The following WDPCP variants were observed in gnomAD, a reference collection of about 807,000 sequenced individuals.
The protein encoded by WDPCP is WD repeat containing planar cell polarity effector, also known as WD repeat-containing and planar cell polarity effector protein fritz homolog.
Under a neutral mutation model 93.1 loss-of-function variants are expected in WDPCP, and 71 were observed. The ratio of observed to expected loss-of-function variants is 0.76; its 90% confidence interval spans 0.63 to 0.93. The LOEUF is 0.93. Ranked by LOEUF, WDPCP falls within the 40% of genes least tolerant of loss-of-function variation. The probability of loss-of-function intolerance (pLI) is 0.00; values close to 1 mark genes in which losing one functional copy is unlikely to be tolerated. For missense variants in WDPCP, 844 were observed against 887.4 expected (o/e 0.95, Z 0.62); for synonymous variants, 315 against 315.0 (o/e 1.00, Z 0.00).
chr2:63,571,248 T>C, intron 1 of WDPCP: 1 of 388,322 alleles, frequency 2.6e-6, no homozygotes, highest in Non-Finnish European at 5.0e-6. Context: ...GTCACTTTCC[T>C]CATGTGTAAA....
At chr2:63,834,731 G>A in the WDPCP span, among the ~76,000 whole-genome samples, 1 of 152,166 alleles carries the variant, frequency 6.6e-6, no homozygotes, top group South Asian at 2.1e-4. Flanking sequence ...TCAGTAGCTG[G>A]TTCCTGAAGT....
intron 1 of WDPCP, among the ~76,000 whole-genome samples, chr2:63,526,006 GC>G (rs1200290462): frequency 1.3e-5 from 2 of 152,044 alleles, no homozygotes; most frequent in Admixed American, 1.3e-4. Context: ...TGTATGTACG[GC>G]TTTTGAATTT....
At chr2:63,754,952 G>T (rs1196841557) in intron 2 of WDPCP, among the ~76,000 whole-genome samples, 1 of 152,170 alleles carries the variant, frequency 6.6e-6, no homozygotes, top group Non-Finnish European at 1.5e-5. Context: ...TGTGGGTACA[G>T]TCATAAGAAG....
At chr2:63,599,377 G>T in intron 3 of WDPCP, 2 of 1,423,046 alleles carry the variant, frequency 1.4e-6, no homozygotes, top group Non-Finnish European at 9.4e-7. Flanking sequence ...ATCTGAGTTT[G>T]TGCTTTTTTC....
At chr2:63,460,446 G>A (rs958974247) in intron 6 of WDPCP, among the ~76,000 whole-genome samples, 2 of 152,090 alleles carry the variant, frequency 1.3e-5, no homozygotes, top group African/African-American at 4.8e-5. Context: ...ACAATATTAT[G>A]TATATTTCAA....
At chr2:63,392,455 C>G (rs1262671635) in intron 10 of WDPCP, among the ~76,000 whole-genome samples, 2 of 152,152 alleles carry the variant, frequency 1.3e-5, no homozygotes, top group Admixed American at 1.3e-4. Context: ...CTAGGCAATA[C>G]CATTCAGGAC....
intron 2 of WDPCP, among the ~76,000 whole-genome samples, chr2:63,786,379 T>C (rs1350048285): frequency 6.6e-6 from 1 of 152,134 alleles, no homozygotes; most frequent in Non-Finnish European, 1.5e-5. Context: ...TTTTAAAAAG[T>C]CCCATTATGG....
Position 63,437,541 on chromosome 2 carries a change from G to C in WDPCP, c.513C>G (p.Asp171Glu), listed in dbSNP as rs778635559. 1.3e-6 allele frequency: 2 copies of C among 1,589,402 alleles called. No homozygotes were observed. The highest frequency in any genetic ancestry group is 1.7e-6 in the Non-Finnish European group (2 of 1,168,216). Reference sequence around the variant, plus strand: ...CCAAAAATGATAAGATGATAAAACTGTCTGTGAGAAGAGCTAAAAAACATA... The same window carrying C: ...CCAAAAATGATAAGATGATAAAACTCTCTGTGAGAAGAGCTAAAAAACATA... ...SDTISDALLT[D>E]SFIILSFLAQ... The change falls in exon 8 of 18, where the codon GAC becomes GAG. Residue 171 changes from aspartate to glutamate, a missense_variant. By Grantham distance (45) the Asp-to-Glu change is conservative. Transcript: ENST00000272321.
chr2:63,140,928 A>G (rs1223511376), intron 17 of WDPCP, among the ~76,000 whole-genome samples: 1 of 152,166 alleles, frequency 6.6e-6, no homozygotes. Context: ...TTCCCCATTC[A>G]GTATCACGTT....
chr2:63,798,503 T>G (rs1670646457), intron 2 of WDPCP, among the ~76,000 whole-genome samples: 1 of 152,138 alleles, frequency 6.6e-6, no homozygotes, highest in Non-Finnish European at 1.5e-5. Flanking sequence ...GTTATCAGCT[T>G]AAAATAATGA....
chr2:63,696,514 G>A (rs1295167111), intron 2 of WDPCP, among the ~76,000 whole-genome samples: 2 of 152,094 alleles, frequency 1.3e-5, no homozygotes, highest in East Asian at 3.9e-4. Flanking sequence ...TAGTATTGAG[G>A]GGGAAGACCA....
intron 1 of WDPCP, among the ~76,000 whole-genome samples, chr2:63,523,679 C>T (rs764464011): frequency 2.6e-5 from 4 of 152,104 alleles, no homozygotes; most frequent in African/African-American, 4.8e-5. Flanking sequence ...TGAGAGGCCG[C>T]GGTGGGCGGA....
chr2:63,283,502 A>G (rs1386587593), intron 13 of WDPCP, among the ~76,000 whole-genome samples: 12 of 152,222 alleles, frequency 7.9e-5, no homozygotes. Context: ...ACGTAGCCAT[A>G]CTTATTTGTT....
chr2:63,354,864 C>A (rs1014835772), intron 12 of WDPCP, among the ~76,000 whole-genome samples: 1 of 151,692 alleles, frequency 6.6e-6, no homozygotes, highest in Non-Finnish European at 1.5e-5. Context: ...ACTTGAAGAT[C>A]GATTATCTGA....
intron 2 of WDPCP, among the ~76,000 whole-genome samples, chr2:63,683,304 G>A (rs560866462): frequency 6.6e-6 from 1 of 152,058 alleles, no homozygotes; most frequent in South Asian, 2.1e-4. Context: ...TAGGGTGGCT[G>A]AATGGATAAA....
At chr2:63,838,162 A>G in the WDPCP span, among the ~76,000 whole-genome samples, 3 of 152,202 alleles carry the variant, frequency 2.0e-5, no homozygotes, top group African/African-American at 7.2e-5. Flanking sequence ...GTGGCACTAA[A>G]CTGGTCATTC....
intron 6 of WDPCP, among the ~76,000 whole-genome samples, chr2:63,484,241 G>C (rs984199482): frequency 6.6e-6 from 1 of 151,962 alleles, no homozygotes; most frequent in Non-Finnish European, 1.5e-5. Flanking sequence ...GCTTACAAGA[G>C]TAGTATGCCA....
chr2:63,120,192 T>C lies in WDPCP; in HGVS notation c.*1814A>G, dbSNP rs1277155661. 3.3e-5 allele frequency among the ~76,000 whole-genome samples: 5 copies of C among 152,210 alleles called. No homozygotes were observed. Among genetic ancestry groups the C allele is most frequent in the Non-Finnish European group, 5.9e-5 (4 of 68,030 alleles). On this transcript the variant is annotated 3_prime_UTR_variant, in exon 18 of 18. Coordinates refer to ENST00000272321, the MANE Select transcript of WDPCP (RefSeq NM_015910.7). ...CAAAACCCTATTTTTTTAAATACAA[T>C]TTTTTCTCTAAAAATTAGTTAACTT...
chr2:63,602,161 T>G (rs1466160972), intron 3 of WDPCP, among the ~76,000 whole-genome samples: 2 of 152,240 alleles, frequency 1.3e-5, no homozygotes, highest in Non-Finnish European at 1.5e-5. Flanking sequence ...AATTTTTAAG[T>G]AAACTTTTAA....
Sources: allele counts gnomAD v4.1 joint callset (sites outside exome capture counted in the v4.1 genomes callset), GRCh38; gene constraint gnomAD v4.1.1; transcripts MANE v1.5; gene names NCBI Gene and HGNC (gene_info 2026-07-23, HGNC 2026-07-21).